Variants in SLC24A2 observed in about 807,000 individuals in gnomAD.
SLC24A2 encodes the protein sodium/potassium/calcium exchanger 2.
Under a neutral mutation model 62.0 loss-of-function variants are expected in SLC24A2, and 36 were observed. The observed-to-expected ratio is 0.58, with a 90% confidence interval of 0.44 to 0.77. The LOEUF is 0.77. Among genes scored for constraint, SLC24A2 ranks in the 30% least tolerant of loss-of-function variants. SLC24A2 has a pLI of 0.00. For missense variants in SLC24A2, 846 were observed against 817.9 expected (o/e 1.03, Z -0.42); for synonymous variants, 358 against 294.0 (o/e 1.22, Z -2.23).
At chr9:19,658,076 A>G (rs1462857086) in intron 2 of SLC24A2, among the ~76,000 whole-genome samples, 2 of 152,128 alleles carry the variant, frequency 1.3e-5, no homozygotes, top group African/African-American at 4.8e-5. Context: ...CAGGCACTGG[A>G]CTGCTCCTAC....
the SLC24A2 span, among the ~76,000 whole-genome samples, chr9:20,133,423 C>G: frequency 5.3e-5 from 8 of 152,178 alleles, no homozygotes; most frequent in African/African-American, 1.7e-4. Context: ...ACATTTTAAA[C>G]TTTAAAAAAT....
chr9:20,186,982 A>T, the SLC24A2 span, among the ~76,000 whole-genome samples: 1 of 152,156 alleles, frequency 6.6e-6, no homozygotes, highest in Non-Finnish European at 1.5e-5. Context: ...CTCTCCAAAA[A>T]TGGCATCTCT....
chr9:20,071,231 T>C, the SLC24A2 span, among the ~76,000 whole-genome samples: 4 of 147,778 alleles, frequency 2.7e-5, no homozygotes, highest in Non-Finnish European at 4.4e-5. Context: ...TCTCAGGTAG[T>C]TTTTTTTATA....
At chr9:19,900,931 C>A in the SLC24A2 span, among the ~76,000 whole-genome samples, 1 of 152,174 alleles carries the variant, frequency 6.6e-6, no homozygotes, top group African/African-American at 2.4e-5. Flanking sequence ...AGGTAGACAA[C>A]AAACTCAATT....
At chr9:19,535,621 A>G (rs1297193579) in intron 8 of SLC24A2, among the ~76,000 whole-genome samples, 1 of 152,132 alleles carries the variant, frequency 6.6e-6, no homozygotes, top group African/African-American at 2.4e-5. Flanking sequence ...TCCTTTCCCC[A>G]TTTCTTGTTT....
intron 2 of SLC24A2, among the ~76,000 whole-genome samples, chr9:19,677,700 A>G (rs1819600349): frequency 6.6e-6 from 1 of 151,948 alleles, no homozygotes; most frequent in South Asian, 2.1e-4. Flanking sequence ...AACTATACAA[A>G]TACATTTACA....
At position 19,510,913 on chromosome 9, in the gene SLC24A2, C is replaced by T. The variant is rs1832690268; in HGVS notation, c.*5240G>A. On this transcript the variant is annotated 3_prime_UTR_variant, in exon 11 of 11. Coordinates refer to ENST00000341998, the MANE Select transcript of SLC24A2 (RefSeq NM_020344.4). ...CCTTTGTAGCTGCTTCTTACTCTTTCTTAAGAAATCTGTCCCTAGCCATAT... is the reference window on the plus strand; with the variant it reads ...CCTTTGTAGCTGCTTCTTACTCTTTTTTAAGAAATCTGTCCCTAGCCATAT... The T allele has an allele frequency of 6.6e-6, 1 of 152,308 alleles. No individual in the cohort carries two copies. Among genetic ancestry groups the T allele is most frequent in the Non-Finnish European group, 1.5e-5 (1 of 68,056 alleles). The allele number at this position is 152,308 out of a possible 1,614,324, so 9.4% of individuals were successfully genotyped here.
the SLC24A2 span, among the ~76,000 whole-genome samples, chr9:19,848,084 T>C: frequency 6.6e-6 from 1 of 152,230 alleles, no homozygotes; most frequent in Non-Finnish European, 1.5e-5. Flanking sequence ...TCATAATTTC[T>C]TGCCTTATTA....
the SLC24A2 span, among the ~76,000 whole-genome samples, chr9:20,193,090 G>T: frequency 1.3e-5 from 2 of 152,118 alleles, no homozygotes; most frequent in Non-Finnish European, 2.9e-5. Context: ...CAAGATCCCT[G>T]CTCTAGTTTC....
chr9:19,529,801 A>G (rs1309538868), intron 8 of SLC24A2, among the ~76,000 whole-genome samples: 1 of 145,002 alleles, frequency 6.9e-6, no homozygotes, highest in East Asian at 2.1e-4. Flanking sequence ...CCCAGGCTGG[A>G]GTGCAGTGGC....
At chr9:19,960,713 T>C in the SLC24A2 span, among the ~76,000 whole-genome samples, 14 of 152,306 alleles carry the variant, frequency 9.2e-5, no homozygotes, top group Admixed American at 2.0e-4. Context: ...TGCTGGGCCC[T>C]GTCACAAACT....
At chr9:20,067,036 G>C in the SLC24A2 span, among the ~76,000 whole-genome samples, 362 of 152,208 alleles carry the variant, frequency 2.4e-3, 2 homozygotes, top group Admixed American at 3.9e-3. Context: ...TTACAGTTTT[G>C]AAGTCTCAGG....
At chr9:20,175,312 A>T in the SLC24A2 span, among the ~76,000 whole-genome samples, 1 of 151,890 alleles carries the variant, frequency 6.6e-6, no homozygotes, top group South Asian at 2.1e-4. Flanking sequence ...TGTGCACCAA[A>T]ATCTCACCAA....
chr9:19,538,722 A>G lies in SLC24A2; in HGVS notation c.1480-10584T>C, dbSNP rs1466626427. ...ATCAGAATGATGCTGGCCTCATAAA[A>G]TGAGTTAGGGAGGATTCCCTCTTTT... On this transcript the variant is annotated intron_variant, in intron 8 of 10. Coordinates refer to ENST00000341998, the MANE Select transcript of SLC24A2 (RefSeq NM_020344.4). Among the ~76,000 whole-genome samples, 6 of 132,192 alleles carry G rather than the reference A, an allele frequency of 4.5e-5. No homozygotes were observed. In the East Asian group the frequency reaches 1.2e-3, roughly 26 times the overall value. 86.7% of individuals were successfully genotyped at this position (132,192 alleles called of 152,430 possible). A position where few individuals can be genotyped will look rare whatever the true frequency, so the allele number is the denominator to read the frequency against.
At chr9:19,634,384 T>G (rs1182665229) in intron 2 of SLC24A2, among the ~76,000 whole-genome samples, 1 of 147,300 alleles carries the variant, frequency 6.8e-6, no homozygotes, top group African/African-American at 2.5e-5. Context: ...CACCTCCCGG[T>G]TTCAAGCAAT....
intron 2 of SLC24A2, among the ~76,000 whole-genome samples, chr9:19,777,037 C>G (rs556394443): frequency 1.3e-5 from 2 of 152,238 alleles, no homozygotes; most frequent in East Asian, 1.9e-4. Context: ...ATAATTCTCC[C>G]ATTAAAACAA....
the SLC24A2 span, among the ~76,000 whole-genome samples, chr9:20,142,841 C>T: frequency 6.6e-6 from 1 of 152,140 alleles, no homozygotes; most frequent in African/African-American, 2.4e-5. Flanking sequence ...AGTTATCCAC[C>T]CACCTTGGCT....
At chr9:19,693,820 C>T (rs1381995694) in intron 2 of SLC24A2, among the ~76,000 whole-genome samples, 1 of 151,928 alleles carries the variant, frequency 6.6e-6, no homozygotes, top group Non-Finnish European at 1.5e-5. Flanking sequence ...AACTTCTTCC[C>T]TTTCTTCTTT....
At chr9:20,293,168 A>G in the SLC24A2 span, among the ~76,000 whole-genome samples, 1 of 152,228 alleles carries the variant, frequency 6.6e-6, no homozygotes, top group South Asian at 2.1e-4. Context: ...ACTCTTCTTA[A>G]ATAATTACAT....
Sources: allele counts gnomAD v4.1 joint callset (sites outside exome capture counted in the v4.1 genomes callset), GRCh38; gene constraint gnomAD v4.1.1; transcripts MANE v1.5; gene names NCBI Gene and HGNC (gene_info 2026-07-23, HGNC 2026-07-21).